Variants in CDKL1 observed in about 807,000 individuals in gnomAD.
CDKL1 encodes the protein cyclin-dependent kinase-like 1.
Under a neutral mutation model 42.0 loss-of-function variants are expected in CDKL1, and 41 were observed. The ratio of observed to expected loss-of-function variants is 0.98; its 90% CI spans 0.76 to 1.27. CDKL1 has a LOEUF of 1.27. CDKL1 is among the 50% of genes most tolerant of loss of function. The pLI is 0.00. For synonymous variants in CDKL1, 153 were observed against 158.6 expected (o/e 0.96, Z 0.26); for missense variants, 394 against 428.4 (o/e 0.92, Z 0.71).
At chr14:50,341,762 C>T (rs1200731998) in intron 5 of CDKL1, among the ~76,000 whole-genome samples, 2 of 139,916 alleles carry the variant, frequency 1.4e-5, no homozygotes, top group African/African-American at 5.4e-5. Context: ...GCCTGGGCAA[C>T]AGAGTGAGAC....
rs2035426071 is a variant in CDKL1, at chr14:50,396,849, C to A, written c.-487G>T. 1 of 193,142 alleles carries A rather than the reference C, an allele frequency of 5.2e-6. No individual in the cohort carries two copies. The highest frequency in any genetic ancestry group is 2.4e-5 in the African/African-American group (1 of 41,816). The allele number at this position is 193,142 out of a possible 1,614,324, so 12.0% of individuals were successfully genotyped here. On this transcript the variant is annotated 5_prime_UTR_variant, in exon 1 of 10. In the 5' UTR this introduces an upstream ATG that the reference lacks. Transcript: ENST00000395834. ...GGCGCCGCGGCGGTCAGGGACGGGCCTGGCTCCCGCCTCGCCTTCTTCCGC... is the reference window on the plus strand; with the variant it reads ...GGCGCCGCGGCGGTCAGGGACGGGCATGGCTCCCGCCTCGCCTTCTTCCGC...
intron 2 of CDKL1, among the ~76,000 whole-genome samples, chr14:50,368,865 C>A (rs774060967): frequency 8.3e-4 from 123 of 148,688 alleles, no homozygotes; most frequent in Admixed American, 1.5e-3. Flanking sequence ...TAGTTGCCAA[C>A]CTTTTTTTTT....
chr14:50,342,945 C>A, intron 4 of CDKL1: 1 of 1,357,302 alleles, frequency 7.4e-7, no homozygotes, highest in South Asian at 1.2e-5. Flanking sequence ...CTGTCCCACA[C>A]ACAAGTGCTC....
rs73281185 is a variant in CDKL1, at chr14:50,335,201, C to A, written c.739-580G>T. Among the ~76,000 whole-genome samples the A allele has an allele frequency of 7.0e-3, 963 of 137,022 alleles. 12 individuals are homozygous for A. Among genetic ancestry groups the A allele is most frequent in the African/African-American group, 0.024 (883 of 36,704 alleles). 89.9% of individuals were successfully genotyped at this position (137,022 alleles called of 152,430 possible). ...GTACTAGCTACTTGGGAGGCTAAGG[C>A]GGGAGGATGGCGTGGGTTTGGGAGA... On this transcript the variant is annotated intron_variant, in intron 7 of 9. Coordinates refer to ENST00000395834, the MANE Select transcript of CDKL1 (RefSeq NM_004196.7).
At chr14:50,362,008 C>G (rs1051639257) in intron 2 of CDKL1, among the ~76,000 whole-genome samples, 1 of 152,324 alleles carries the variant, frequency 6.6e-6, no homozygotes, top group African/African-American at 2.4e-5. Flanking sequence ...GCTTGGGGGG[C>G]CCGGCACTCT....
chr14:50,383,186 C>G lies in CDKL1; in HGVS notation c.168+12515G>C, dbSNP rs2034971667. 3.3e-5 allele frequency among the ~76,000 whole-genome samples: 5 copies of G among 152,104 alleles called. No homozygotes were observed. The South Asian group carries it at 1.0e-3, about 32-fold the overall frequency. On this transcript the variant is annotated intron_variant, in intron 2 of 9. Transcript: ENST00000395834. Reference sequence around the variant, plus strand: ...TCGTGATCCATCTGCCTCGGCCTCCCAAAGTGCTGGAATTACAGGTGTGAG... The same window carrying G: ...TCGTGATCCATCTGCCTCGGCCTCCGAAAGTGCTGGAATTACAGGTGTGAG...
intron 2 of CDKL1, 66 bp from the exon 3 acceptor site, chr14:50,359,215 C>G: frequency 6.5e-7 from 1 of 1,534,196 alleles, no homozygotes; most frequent in East Asian, 2.3e-5. Flanking sequence ...TAATCTTGAT[C>G]CAATAAAAAG....
intron 4 of CDKL1, among the ~76,000 whole-genome samples, chr14:50,344,123 C>A (rs989377206): frequency 2.6e-5 from 4 of 152,230 alleles, no homozygotes; most frequent in Non-Finnish European, 4.4e-5. Flanking sequence ...GGGCAGCAGG[C>A]TTCCCAGCAT....
intron 9 of CDKL1, chr14:50,331,933 G>A: frequency 8.8e-7 from 1 of 1,137,982 alleles, no homozygotes; most frequent in South Asian, 1.6e-5. Context: ...AACTGCATGG[G>A]GAAAATCTGA....
At chr14:50,363,019 C>G (rs1226742955) in intron 2 of CDKL1, 2 of 449,972 alleles carry the variant, frequency 4.4e-6, no homozygotes, top group Non-Finnish European at 9.5e-6. Context: ...CTCTTGAAGC[C>G]AGGGAGACCA....
intron 5 of CDKL1, among the ~76,000 whole-genome samples, chr14:50,341,459 G>T (rs1010041763): frequency 5.2e-4 from 30 of 57,290 alleles, no homozygotes; most frequent in African/African-American, 9.7e-4. Flanking sequence ...GAGGGTCTGG[G>T]GGGGGGGGGG....
chr14:50,365,947 C>T (rs910897504), intron 2 of CDKL1, among the ~76,000 whole-genome samples: 2 of 152,224 alleles, frequency 1.3e-5, no homozygotes, highest in Non-Finnish European at 2.9e-5. Flanking sequence ...TGGTTTGCCA[C>T]GGGCTCTCCG....
intron 3 of CDKL1, among the ~76,000 whole-genome samples, chr14:50,355,059 AT>A (rs567101006): frequency 2.6e-5 from 4 of 151,844 alleles, no homozygotes; most frequent in Non-Finnish European, 4.4e-5. Context: ...TTATAGTATA[AT>A]TTTTTTTCAT....
chr14:50,383,274 G>A (rs2034975380), intron 2 of CDKL1, among the ~76,000 whole-genome samples: 1 of 151,956 alleles, frequency 6.6e-6, no homozygotes, highest in East Asian at 1.9e-4. Context: ...TGTCGGCTGG[G>A]CGTGGTGGCT....
rs553316407 is a variant in CDKL1, at chr14:50,335,470, A to C, written c.739-849T>G. 3.3e-6 allele frequency: 5 copies of C among 1,536,066 alleles called. No individual in the cohort carries two copies. In the East Asian group the frequency reaches 1.2e-4, roughly 38 times the overall value. ...GCTTCCCTTCTCAGCCTGCTGTTTA[A>C]ACAGTCTCCTGTGGGGCATTCGTCA... On this transcript the variant is annotated intron_variant, in intron 7 of 9. Coordinates refer to ENST00000395834, the MANE Select transcript of CDKL1 (RefSeq NM_004196.7).
At chr14:50,335,012 G>C in intron 7 of CDKL1, 1 of 194,508 alleles carries the variant, frequency 5.1e-6, no homozygotes, top group Non-Finnish European at 1.0e-5. Context: ...TTATAAAAAG[G>C]TAGCTGGCTG....
chr14:50,360,842 T>C (rs1000802898), intron 2 of CDKL1, among the ~76,000 whole-genome samples: 3 of 151,156 alleles, frequency 2.0e-5, no homozygotes, highest in Non-Finnish European at 4.4e-5. Context: ...CTTAGTTCAC[T>C]TAACGTTATG....
intron 2 of CDKL1, among the ~76,000 whole-genome samples, chr14:50,394,625 T>C (rs182982539): frequency 1.3e-5 from 2 of 152,356 alleles, no homozygotes; most frequent in Admixed American, 1.3e-4. Context: ...TGTCACATAG[T>C]AGTTATACAG....
intron 2 of CDKL1, among the ~76,000 whole-genome samples, chr14:50,365,862 C>T (rs1308431095): frequency 6.6e-6 from 1 of 152,212 alleles, no homozygotes; most frequent in Non-Finnish European, 1.5e-5. Flanking sequence ...TCATCTTTCT[C>T]CCGTGCTGGA....
Sources: gnomAD v4.1 joint callset for allele counts (sites outside exome capture counted in the v4.1 genomes callset) on GRCh38, gnomAD v4.1.1 for gene constraint, MANE v1.5 for transcripts, NCBI Gene and HGNC (gene_info 2026-07-23, HGNC 2026-07-21) for gene names.